OR3A3: variants seen among roughly 807,000 people sequenced by gnomAD.
OR3A3 encodes the protein olfactory receptor family 3 subfamily A member 3.
For missense variants in OR3A3, 275 were observed against 391.4 expected (o/e 0.70, Z 2.51); for synonymous variants, 103 against 163.9 (o/e 0.63, Z 2.84).
At chr17:3,416,913 G>T (rs2072395349) in intron 2 of OR3A3, among the ~76,000 whole-genome samples, 1 of 151,876 alleles carries the variant, frequency 6.6e-6, no homozygotes, top group Admixed American at 6.6e-5. Context: ...TCAAATTCTA[G>T]AACTTGTTCC....
chr17:3,420,049 G>A (rs1342072778), intron 2 of OR3A3, among the ~76,000 whole-genome samples: 1 of 152,160 alleles, frequency 6.6e-6, no homozygotes, highest in Non-Finnish European at 1.5e-5. Context: ...TTACAGGCAT[G>A]AGCCACTGCG....
At chr17:3,415,195 AAAC>A in intron 2 of OR3A3, among the ~76,000 whole-genome samples, 1 of 152,060 alleles carries the variant, frequency 6.6e-6, no homozygotes, top group Non-Finnish European at 1.5e-5. Context: ...ATATATAAGA[AAAC>A]AACATATTAT....
intron 2 of OR3A3, among the ~76,000 whole-genome samples, chr17:3,420,061 C>G (rs1426176732): frequency 6.6e-6 from 1 of 152,150 alleles, no homozygotes; most frequent in East Asian, 1.9e-4. Context: ...GCCACTGCGC[C>G]CGGGGAAAAT....
At chr17:3,412,949 A>T (rs1223174222) in intron 2 of OR3A3, among the ~76,000 whole-genome samples, 1 of 152,214 alleles carries the variant, frequency 6.6e-6, no homozygotes, top group African/African-American at 2.4e-5. Context: ...CTTCCATGAC[A>T]ACTCTAGCTT....
In OR3A3 at chr17:3,420,454, A is replaced by G. The variant is rs1567584257; in HGVS notation, c.-6-126A>G. The stretch of plus-strand genomic sequence containing the variant: ...TCTCAACCAAGAGCAAGGTAAAGGC[A>G]TTGAGGTGTTGGAGGAGTGAGGGAT... On this transcript the variant is annotated intron_variant, in intron 2 of 2. Transcript: ENST00000641141. 8.8e-6 allele frequency: 13 copies of G among 1,484,524 alleles called. No homozygotes were observed. The South Asian group carries it at 9.5e-5, about 11-fold the overall frequency. The allele number at this position is 1,484,524 out of a possible 1,614,324, so 92.0% of individuals were successfully genotyped here.
At chr17:3,415,335 C>T (rs996065779) in intron 2 of OR3A3, among the ~76,000 whole-genome samples, 9 of 151,312 alleles carry the variant, frequency 5.9e-5, no homozygotes, top group African/African-American at 2.2e-4. Flanking sequence ...CCGAGGCGGG[C>T]GGATCACATG....
intron 2 of OR3A3, among the ~76,000 whole-genome samples, chr17:3,417,772 T>A (rs1255245884): frequency 6.6e-6 from 1 of 152,224 alleles, no homozygotes; most frequent in East Asian, 1.9e-4. Flanking sequence ...AAGATAAGCA[T>A]CTTCTCATTC....
At chr17:3,416,552 A>C (rs1567583385) in intron 2 of OR3A3, among the ~76,000 whole-genome samples, 1 of 151,938 alleles carries the variant, frequency 6.6e-6, no homozygotes. Context: ...GCTTTTCATT[A>C]GTGGCAATTG....
At chr17:3,416,267 TA>T (rs1341313075) in intron 2 of OR3A3, among the ~76,000 whole-genome samples, 1 of 152,208 alleles carries the variant, frequency 6.6e-6, no homozygotes. Context: ...GTTAATATCA[TA>T]AAACATATTA....
At chr17:3,421,377 G>A (rs1407345137) in exon 3 of OR3A3, 1 of 1,614,180 alleles carries the variant, frequency 6.2e-7, no homozygotes, top group East Asian at 2.2e-5. Context: ...GCTACATGAG[G>A]CTGGGTTCAG....
At chr17:3,416,165 T>A (rs2072390415) in intron 2 of OR3A3, among the ~76,000 whole-genome samples, 1 of 152,102 alleles carries the variant, frequency 6.6e-6, no homozygotes, top group African/African-American at 2.4e-5. Context: ...CCTATTTTAT[T>A]ATAAGATTTC....
intron 2 of OR3A3, among the ~76,000 whole-genome samples, chr17:3,416,294 T>C (rs1485743909): frequency 1.3e-5 from 2 of 152,238 alleles, no homozygotes; most frequent in Non-Finnish European, 2.9e-5. Flanking sequence ...TTTTCTCATT[T>C]TGAACTAACC....
intron 2 of OR3A3, among the ~76,000 whole-genome samples, chr17:3,416,835 C>A (rs1158367871): frequency 6.6e-6 from 1 of 152,124 alleles, no homozygotes; most frequent in East Asian, 1.9e-4. Context: ...GTGTTGGGGA[C>A]ATTCCAATTC....
chr17:3,420,038 A>G (rs766550162), intron 2 of OR3A3, among the ~76,000 whole-genome samples: 3 of 152,154 alleles, frequency 2.0e-5, no homozygotes, highest in Non-Finnish European at 2.9e-5. Context: ...AAGTGCTGGG[A>G]TTACAGGCAT....
exon 3 of OR3A3, chr17:3,421,144 C>T: frequency 6.2e-7 from 1 of 1,614,202 alleles, no homozygotes; most frequent in Non-Finnish European, 8.5e-7. Flanking sequence ...CCTCCCACAG[C>T]TCTTCCAGCT....
intron 2 of OR3A3, among the ~76,000 whole-genome samples, chr17:3,414,510 G>A (rs1393851729): frequency 1.3e-5 from 2 of 152,196 alleles, no homozygotes; most frequent in African/African-American, 4.8e-5. Context: ...AAAACACGAT[G>A]CAGGAAGGTA....
At chr17:3,421,080 C>A (rs778516141) in exon 3 of OR3A3, 22 of 1,614,072 alleles carry the variant, frequency 1.4e-5, no homozygotes, top group Non-Finnish European at 1.7e-5. Flanking sequence ...ACACTGTGGC[C>A]ATGTCCACGC....
At chr17:3,415,952 C>T (rs1192776921) in intron 2 of OR3A3, among the ~76,000 whole-genome samples, 2 of 151,546 alleles carry the variant, frequency 1.3e-5, no homozygotes, top group African/African-American at 4.8e-5. Context: ...GCTGGGATTA[C>T]AGGCGAGCAC....
intron 2 of OR3A3, among the ~76,000 whole-genome samples, chr17:3,412,487 G>A (rs1457129752): frequency 6.8e-6 from 1 of 147,266 alleles, no homozygotes; most frequent in Admixed American, 6.9e-5. Flanking sequence ...CATGTTGGGC[G>A]CGTGAGGGAT....
Sources: allele counts gnomAD v4.1 joint callset (sites outside exome capture counted in the v4.1 genomes callset), GRCh38; gene constraint gnomAD v4.1.1; transcripts MANE v1.5; gene names NCBI Gene and HGNC (gene_info 2026-07-23, HGNC 2026-07-21).